The following CSGALNACT1 variants were observed in gnomAD, a reference collection of about 807,000 sequenced individuals.
CSGALNACT1 encodes chondroitin sulfate N-acetylgalactosaminyltransferase 1, also known as beta4GalNAcT-1.
Under a neutral mutation model 51.0 loss-of-function variants are expected in CSGALNACT1, and 52 were observed. The ratio of observed to expected loss-of-function variants is 1.02; its 90% CI spans 0.82 to 1.29. The LOEUF is 1.29. Ranked by LOEUF, CSGALNACT1 falls within the 50% of genes most tolerant of loss-of-function variation. CSGALNACT1 has a pLI of 0.00. For synonymous variants in CSGALNACT1, 341 were observed against 254.4 expected (o/e 1.34, Z -3.24); for missense variants, 935 against 679.2 (o/e 1.38, Z -4.19).
chr8:19,674,644 G>A (rs904675347), intron 1 of CSGALNACT1, among the ~76,000 whole-genome samples: 2 of 152,114 alleles, frequency 1.3e-5, no homozygotes, highest in African/African-American at 2.4e-5. Context: ...AGTGATTGGT[G>A]GAGGGCAGTG....
chr8:19,482,670 CAT>C (rs2071751636), intron 4 of CSGALNACT1, among the ~76,000 whole-genome samples: 1 of 152,176 alleles, frequency 6.6e-6, no homozygotes, highest in Non-Finnish European at 1.5e-5. Flanking sequence ...CTGCCTATAA[CAT>C]AATTGTGGGT....
rs534806953 is a variant in CSGALNACT1 at position 19,555,187 on chromosome 8, C to T, written c.-297+35973G>A. On this transcript the variant is annotated intron_variant, in intron 3 of 9. Transcript: ENST00000454498. ...CCAGGAGGCAGAGTTTGAAATGAGC[C>T]GAGATCGCGCCATTGCACTCCAGCC... Among the ~76,000 whole-genome samples, 4 of 151,762 alleles carry T rather than the reference C, an allele frequency of 2.6e-5. No individual in the cohort carries two copies. The East Asian group carries it at 5.8e-4, about 22-fold the overall frequency.
chr8:19,458,576 T>C lies in CSGALNACT1; in HGVS notation c.701A>G (p.His234Arg), dbSNP rs200092345. The C allele has an allele frequency of 3.0e-5, 48 of 1,614,222 alleles. No individual in the cohort carries two copies. In the East Asian group the frequency reaches 9.4e-4, roughly 31 times the overall value. ...AAATAAGATGAGCCGTTTGAATTCG[T>C]GTTTGTGGTCCCCTTTGAAGGTGAG... The change falls in exon 5 of 10, where the codon CAC (histidine) becomes CGC (arginine). Residue 234 changes from histidine (H) to arginine (R), a missense_variant. Physicochemically the swap from His to Arg is conservative, Grantham distance 29. Coordinates refer to ENST00000454498, the Ensembl canonical transcript of CSGALNACT1.
chr8:19,503,783 T>A (rs867983177), intron 4 of CSGALNACT1, among the ~76,000 whole-genome samples: 10 of 151,614 alleles, frequency 6.6e-5, no homozygotes, highest in African/African-American at 2.4e-4. Context: ...TGAATGAGTT[T>A]TTTTTTTTTT....
At chr8:19,579,947 A>G (rs1272166553) in intron 3 of CSGALNACT1, among the ~76,000 whole-genome samples, 2 of 152,214 alleles carry the variant, frequency 1.3e-5, no homozygotes, top group Admixed American at 6.5e-5. Flanking sequence ...GAGGAGGAGG[A>G]AGAGGAGGAG....
Position 19,584,877 on chromosome 8 carries a change from G to C in CSGALNACT1, c.-297+6283C>G, listed in dbSNP as rs2046301643. ...CAGCAAAGTAGATACTCTGAAGCAA[G>C]GGATGGTGACACTGTCCTGGGTACC... On this transcript the variant is annotated intron_variant, in intron 3 of 9. Coordinates refer to ENST00000454498, the Ensembl canonical transcript of CSGALNACT1. 2.0e-5 allele frequency among the ~76,000 whole-genome samples: 3 copies of C among 152,160 alleles called. No homozygotes were observed. The South Asian group carries it at 6.2e-4, about 32-fold the overall frequency.
chr8:19,557,905 G>C (rs762268341), intron 3 of CSGALNACT1, among the ~76,000 whole-genome samples: 4 of 152,176 alleles, frequency 2.6e-5, no homozygotes, highest in Admixed American at 6.5e-5. Flanking sequence ...CAAGAAACTT[G>C]TGATACTGTT....
chr8:19,756,192 G>A (rs895201134), intron 1 of CSGALNACT1, among the ~76,000 whole-genome samples: 4 of 151,520 alleles, frequency 2.6e-5, no homozygotes, highest in Admixed American at 6.6e-5. Context: ...CAATGTCGAC[G>A]AAATCCTACA....
At chr8:19,660,183 A>T (rs1564369279) in intron 1 of CSGALNACT1, among the ~76,000 whole-genome samples, 1 of 152,214 alleles carries the variant, frequency 6.6e-6, no homozygotes, top group African/African-American at 2.4e-5. Context: ...GATACAGGGC[A>T]TTCTATATTA....
chr8:19,722,007 C>A (rs370013595), intron 1 of CSGALNACT1, among the ~76,000 whole-genome samples: 31 of 151,380 alleles, frequency 2.0e-4, no homozygotes, highest in Admixed American at 1.7e-3. Context: ...TCGACTCAAG[C>A]AAAAAAAAGA....
chr8:19,551,224 T>G (rs2087983209), intron 3 of CSGALNACT1, among the ~76,000 whole-genome samples: 1 of 152,202 alleles, frequency 6.6e-6, no homozygotes. Flanking sequence ...GGAACCAACA[T>G]GGCAGACAGC....
chr8:19,600,763 C>T (rs2050233787), intron 2 of CSGALNACT1, among the ~76,000 whole-genome samples: 1 of 149,874 alleles, frequency 6.7e-6, no homozygotes, highest in South Asian at 2.1e-4. Context: ...TTCATTAATG[C>T]AAAATCAAAT....
chr8:19,599,142 C>T (rs1028216966), intron 2 of CSGALNACT1, among the ~76,000 whole-genome samples: 2 of 150,824 alleles, frequency 1.3e-5, no homozygotes, highest in African/African-American at 4.9e-5. Flanking sequence ...GGAGGGGGAG[C>T]ACAGAGAGCT....
At chr8:19,741,040 A>G (rs975345871) in intron 1 of CSGALNACT1, among the ~76,000 whole-genome samples, 7 of 152,246 alleles carry the variant, frequency 4.6e-5, no homozygotes, top group African/African-American at 1.7e-4. Context: ...AAATGGAGGA[A>G]GCAAGTCAAA....
At chr8:19,523,431 A>AT (rs573069366) in intron 3 of CSGALNACT1, among the ~76,000 whole-genome samples, 56 of 146,950 alleles carry the variant, frequency 3.8e-4, no homozygotes, top group South Asian at 2.2e-3. Flanking sequence ...TGCCCAGCTA[A>AT]TTTTTTTTTT....
At chr8:19,415,926 A>G (rs1048291289) in intron 8 of CSGALNACT1, among the ~76,000 whole-genome samples, 1 of 152,152 alleles carries the variant, frequency 6.6e-6, no homozygotes, top group Non-Finnish European at 1.5e-5. Context: ...TTGTAACACA[A>G]TGGTATTTGT....
intron 1 of CSGALNACT1, among the ~76,000 whole-genome samples, chr8:19,703,436 T>C (rs2154220665): frequency 6.6e-6 from 1 of 152,326 alleles, no homozygotes; most frequent in East Asian, 1.9e-4. Context: ...CCTGAGTAGC[T>C]GGGACTACAG....
chr8:19,494,153 C>T (rs2074998973), intron 4 of CSGALNACT1, among the ~76,000 whole-genome samples: 1 of 152,156 alleles, frequency 6.6e-6, no homozygotes, highest in Non-Finnish European at 1.5e-5. Context: ...ATCACCTTGC[C>T]ATGCCCTCTT....
At chr8:19,618,629 C>CAAAAAAAAAAAAAA (rs60787326) in intron 1 of CSGALNACT1, among the ~76,000 whole-genome samples, 26 of 64,040 alleles carry the variant, frequency 4.1e-4, no homozygotes, top group Non-Finnish European at 5.7e-4. Flanking sequence ...AATACTCCAT[C>CAAAAAAAAAAAAAA]AAAAAAAAAA....
Sources: gnomAD v4.1 joint callset for allele counts (sites outside exome capture counted in the v4.1 genomes callset) on GRCh38, gnomAD v4.1.1 for gene constraint, MANE v1.5 for transcripts, NCBI Gene and HGNC (gene_info 2026-07-23, HGNC 2026-07-21) for gene names.